Variants in SLC44A1 observed in about 807,000 individuals in gnomAD.
The protein encoded by SLC44A1 is solute carrier family 44 member 1, also known as choline transporter-like protein 1.
SLC44A1 carries 26 observed loss-of-function variants against 79.3 expected under a neutral mutation model. The observed-to-expected ratio is 0.33, with a 90% CI of 0.24 to 0.46. The LOEUF (loss-of-function observed/expected upper bound fraction) is 0.46, where lower values mean the gene tolerates loss of function less well. SLC44A1 is among the 20% of genes least tolerant of loss of function. The probability of loss-of-function intolerance (pLI) is 1.00; values close to 1 mark genes in which losing one functional copy is unlikely to be tolerated. For synonymous variants in SLC44A1, 263 were observed against 286.2 expected, an observed-to-expected ratio of 0.92 and a Z score of 0.82; for missense variants, 688 against 798.1, an observed-to-expected ratio of 0.86 and a Z score of 1.66.
intron 3 of SLC44A1, among the ~76,000 whole-genome samples, chr9:105,327,730 G>A (rs932005): frequency 0.046 from 6,964 of 152,108 alleles, 531 homozygotes; most frequent in African/African-American, 0.16. Context: ...ATCCACACTG[G>A]TTAACTCTTA....
chr9:105,285,181 T>A (rs1310385450), intron 1 of SLC44A1, among the ~76,000 whole-genome samples: 1 of 152,226 alleles, frequency 6.6e-6, no homozygotes, highest in Non-Finnish European at 1.5e-5. Context: ...TGTATGTGAT[T>A]TTTTTAATAG....
chr9:105,381,454 C>T (rs1312766868), intron 13 of SLC44A1, among the ~76,000 whole-genome samples: 4 of 150,324 alleles, frequency 2.7e-5, no homozygotes, highest in African/African-American at 7.3e-5. Context: ...GAGGCTGAGG[C>T]GAAGAATTGC....
intron 4 of SLC44A1, among the ~76,000 whole-genome samples, chr9:105,337,410 G>C (rs1440079711): frequency 6.6e-6 from 1 of 152,158 alleles, no homozygotes; most frequent in Non-Finnish European, 1.5e-5. Flanking sequence ...ACAATGCTTA[G>C]AACAGTATCT....
chr9:105,268,617 C>T (rs1588715658), intron 1 of SLC44A1, among the ~76,000 whole-genome samples: 2 of 152,092 alleles, frequency 1.3e-5, no homozygotes, highest in East Asian at 1.9e-4. Flanking sequence ...AATTCTGCCT[C>T]AGCCTCCCGA....
At chr9:105,277,429 G>A (rs1057168091) in intron 1 of SLC44A1, among the ~76,000 whole-genome samples, 5 of 152,072 alleles carry the variant, frequency 3.3e-5, no homozygotes, top group African/African-American at 9.7e-5. Flanking sequence ...GCAGGTACTC[G>A]TGCCTGTTAG....
At chr9:105,247,971 C>G (rs752742611) in intron 1 of SLC44A1, among the ~76,000 whole-genome samples, 1 of 152,172 alleles carries the variant, frequency 6.6e-6, no homozygotes, top group Non-Finnish European at 1.5e-5. Context: ...GTACCATCAG[C>G]TTGCAAAATT....
At chr9:105,406,603 A>G (rs149018191) in intron 15 of SLC44A1, among the ~76,000 whole-genome samples, 2 of 152,188 alleles carry the variant, frequency 1.3e-5, no homozygotes, top group African/African-American at 4.8e-5. Flanking sequence ...GTAGCCGAAC[A>G]TGGTGGCGTG....
rs1828756607 is a variant in SLC44A1, at chr9:105,391,253, C to T, written c.*2197C>T. The T allele has an allele frequency of 1.0e-6, 1 of 985,658 alleles. No homozygotes were observed. Among genetic ancestry groups the T allele is most frequent in the Non-Finnish European group, 1.2e-6 (1 of 829,906 alleles). 61.1% of individuals were successfully genotyped at this position (985,658 alleles called of 1,614,324 possible). ...TCCCTGTTCCATATGCTCGCAATCT[C>T]AGCTATTTGGAAGCTACCAGGAATG... On this transcript the variant is annotated 3_prime_UTR_variant, in exon 16 of 16. Transcript: ENST00000374720.
At chr9:105,425,738 G>T (rs111584366) in intron 15 of SLC44A1, among the ~76,000 whole-genome samples, 3 of 152,148 alleles carry the variant, frequency 2.0e-5, no homozygotes, top group Non-Finnish European at 4.4e-5. Context: ...CAAGAGAATC[G>T]CTTGAACCTG....
rs1366671835 is a variant in SLC44A1 at position 105,351,561 on chromosome 9, A to G, written c.500+3110A>G. Among the ~76,000 whole-genome samples the G allele has an allele frequency of 1.8e-4, 21 of 116,864 alleles. 1 individual carries two copies. Among genetic ancestry groups the G allele is most frequent in the African/African-American group, 2.7e-4 (6 of 22,588 alleles). 76.7% of individuals were successfully genotyped at this position (116,864 alleles called of 152,430 possible). On this transcript the variant is annotated intron_variant, in intron 5 of 15. Coordinates refer to ENST00000374720, the MANE Select transcript of SLC44A1 (RefSeq NM_080546.5). The stretch of plus-strand genomic sequence containing the variant: ...GAAAGAAAGAAAGAAAGAAAGAGAG[A>G]AAGAGAGAAAGAGAGAAAGAGAGAA...
chr9:105,372,275 T>C (rs963832242), intron 12 of SLC44A1, among the ~76,000 whole-genome samples: 19 of 152,168 alleles, frequency 1.2e-4, no homozygotes, highest in Non-Finnish European at 1.0e-4. Flanking sequence ...ATCAAAATCA[T>C]ACTGTATTTC....
chr9:105,401,223 T>C (rs1197068333), downstream of SLC44A1, among the ~76,000 whole-genome samples: 1 of 152,276 alleles, frequency 6.6e-6, no homozygotes, highest in Non-Finnish European at 1.5e-5. Flanking sequence ...TGAGTAATTT[T>C]AGCTTTTCCT....
chr9:105,244,939 A>C, intron 1 of SLC44A1, 35 bp downstream of exon 1: 2 of 1,126,820 alleles, frequency 1.8e-6, no homozygotes, highest in Non-Finnish European at 2.2e-6. Flanking sequence ...GCCCGCCCGG[A>C]TGCCTCCCGT....
Position 105,405,728 on chromosome 9 carries a change from A to G in SLC44A1, c.1950+20226A>G, listed in dbSNP as rs113505438. ...ACTCAGGGGTTTATCTTTGTGTCAC[A>G]TGCCTCAGAAGCTTCTTAGGGTTGA... On this transcript the variant is annotated intron_variant, in intron 15 of 15. Transcript: ENST00000374724. Among the ~76,000 whole-genome samples, 129 of 152,242 alleles carry G rather than the reference A, an allele frequency of 8.5e-4. 2 individuals are homozygous for G. The highest frequency in any genetic ancestry group is 3.0e-3 in the African/African-American group (125 of 41,554).
chr9:105,407,962 T>C (rs1392603811), intron 15 of SLC44A1, among the ~76,000 whole-genome samples: 1 of 151,370 alleles, frequency 6.6e-6, no homozygotes, highest in Non-Finnish European at 1.5e-5. Flanking sequence ...AGGTCAGGAG[T>C]TGGAGACCAG....
intron 4 of SLC44A1, among the ~76,000 whole-genome samples, chr9:105,347,015 T>G (rs189936870): frequency 1.3e-5 from 2 of 152,234 alleles, no homozygotes; most frequent in East Asian, 3.9e-4. Flanking sequence ...CATTGCTAAA[T>G]TAAATGGTGG....
chr9:105,419,696 C>T (rs1444387779), intron 15 of SLC44A1, among the ~76,000 whole-genome samples: 1 of 152,110 alleles, frequency 6.6e-6, no homozygotes, highest in East Asian at 1.9e-4. Context: ...GGGTGGATCA[C>T]CTGAGGTCAG....
rs554922812 is a variant in SLC44A1 at position 105,422,281 on chromosome 9, CTTTTTTTTTT to C, written c.1951-15983_1951-15974del. Among the ~76,000 whole-genome samples, 24 of 95,928 alleles carry C rather than the reference CTTTTTTTTTT, an allele frequency of 2.5e-4. 1 individual carries two copies. Among genetic ancestry groups the C allele is most frequent in the African/African-American group, 1.0e-3 (23 of 22,268 alleles). 62.9% of individuals were successfully genotyped at this position (95,928 alleles called of 152,430 possible). ...CTGACCTTGGGCCTCCTGCTCCATC[CTTTTTTTTTT>C]TTTTTTTTTTTTTTTTGAGACAGAG... On this transcript the variant is annotated intron_variant, in intron 15 of 15. Transcript: ENST00000374724.
intron 11 of SLC44A1, among the ~76,000 whole-genome samples, 161 bp downstream of exon 11, chr9:105,365,800 T>G (rs937585039): frequency 6.6e-6 from 1 of 152,184 alleles, no homozygotes; most frequent in Admixed American, 6.5e-5. Flanking sequence ...ACTCATGCAC[T>G]CCATATGCTC....
Sources: allele counts gnomAD v4.1 joint callset (sites outside exome capture counted in the v4.1 genomes callset), GRCh38; gene constraint gnomAD v4.1.1; transcripts MANE v1.5; gene names NCBI Gene and HGNC (gene_info 2026-07-23, HGNC 2026-07-21).